The following VSTM2L variants were observed in gnomAD, a reference collection of about 807,000 sequenced individuals.
VSTM2L encodes V-set and transmembrane domain-containing protein 2-like protein.
A neutral mutation model predicts 19.9 loss-of-function variants in VSTM2L; 9 were observed. That is an observed-to-expected ratio of 0.45 (90% CI 0.27 to 0.79). The LOEUF (loss-of-function observed/expected upper bound fraction) is 0.79, where lower values mean the gene tolerates loss of function less well. Among genes scored for constraint, VSTM2L ranks in the 30% least tolerant of loss-of-function variants. The pLI, the probability that VSTM2L is intolerant of heterozygous loss-of-function variation, is 0.15. For missense variants in VSTM2L, 286 were observed against 295.5 expected, an observed-to-expected ratio of 0.97 and a Z score of 0.24; for synonymous variants, 127 against 133.8, an observed-to-expected ratio of 0.95 and a Z score of 0.35.
At chr20:37,913,894 G>A (rs912214370) in intron 1 of VSTM2L, among the ~76,000 whole-genome samples, 2 of 152,250 alleles carry the variant, frequency 1.3e-5, no homozygotes, top group Non-Finnish European at 2.9e-5. Flanking sequence ...TGGGGAGGGC[G>A]CACGGCCAGG....
chr20:37,944,539 G>A lies in VSTM2L; in HGVS notation c.*286G>A. On this transcript the variant is annotated 3_prime_UTR_variant, in exon 4 of 4. Transcript: ENST00000373461. Reference sequence around the variant, plus strand: ...GGCAGGGACCATGCTGGGGCCCGGGGCCACCCCCTTCCTGTCACCAGCTTC... The same window carrying A: ...GGCAGGGACCATGCTGGGGCCCGGGACCACCCCCTTCCTGTCACCAGCTTC... 1 of 1,191,540 alleles carries A rather than the reference G, an allele frequency of 8.4e-7. No homozygotes were observed. The highest frequency in any genetic ancestry group is 1.0e-6 in the Non-Finnish European group (1 of 962,530). The allele number at this position is 1,191,540 out of a possible 1,614,324, so 73.8% of individuals were successfully genotyped here.
At chr20:37,919,443 C>T (rs778504798) in intron 1 of VSTM2L, among the ~76,000 whole-genome samples, 12 of 152,250 alleles carry the variant, frequency 7.9e-5, no homozygotes, top group Non-Finnish European at 1.8e-4. Context: ...CCAGGCTTCT[C>T]TGTTTCTGGA....
chr20:37,922,647 C>A (rs1302687950), intron 1 of VSTM2L, among the ~76,000 whole-genome samples: 1 of 152,186 alleles, frequency 6.6e-6, no homozygotes, highest in Non-Finnish European at 1.5e-5. Context: ...CTGGAGGAGG[C>A]AGCCTCCCAC....
intron 1 of VSTM2L, among the ~76,000 whole-genome samples, chr20:37,928,772 A>G (rs543804623): frequency 3.8e-4 from 58 of 152,194 alleles, no homozygotes; most frequent in Non-Finnish European, 6.6e-4. Flanking sequence ...AAATGTATTT[A>G]TTGAGCACCT....
chr20:37,909,925 A>G (rs6021809), intron 1 of VSTM2L, among the ~76,000 whole-genome samples: 41,652 of 152,090 alleles, frequency 0.27, 8,008 homozygotes, highest in African/African-American at 0.55. Flanking sequence ...GTGAGGTGGC[A>G]GTGGGGAGGC....
intron 1 of VSTM2L, among the ~76,000 whole-genome samples, chr20:37,914,392 G>GTGCGTA (rs2072801379): frequency 6.8e-6 from 1 of 147,140 alleles, no homozygotes; most frequent in Non-Finnish European, 1.5e-5. Flanking sequence ...ATGTGTGGGT[G>GTGCGTA]TGTGTATGTA....
intron 1 of VSTM2L, among the ~76,000 whole-genome samples, chr20:37,904,933 A>G (rs2072743322): frequency 6.6e-6 from 1 of 152,006 alleles, no homozygotes; most frequent in Admixed American, 6.5e-5. Context: ...CCCTCACCTC[A>G]TTTCTACCGA....
chr20:37,921,837 C>CTTTTTTT (rs1568837638), intron 1 of VSTM2L, among the ~76,000 whole-genome samples: 10 of 126,614 alleles, frequency 7.9e-5, no homozygotes, highest in African/African-American at 3.6e-4. Context: ...TCTTTCTTTT[C>CTTTTTTT]CTTTTTTTTT....
At chr20:37,910,918 TAAAAAAAAA>T (rs527960204) in intron 1 of VSTM2L, among the ~76,000 whole-genome samples, 1 of 135,226 alleles carries the variant, frequency 7.4e-6, no homozygotes, top group African/African-American at 2.7e-5. Flanking sequence ...CCCTGTCTCT[TAAAAAAAAA>T]AAAAAGAAAA....
Position 37,944,421 on chromosome 20 carries a change from CCCCA to C in VSTM2L, c.*176_*179del. ...CACCACCCCTTGCTCAGCATGTAAG[CCCCA>C]CCCACCCCTGCCCTTTCAGACCCCT... is the stretch of plus-strand genomic sequence containing the variant. On this transcript the variant is annotated 3_prime_UTR_variant, in exon 4 of 4. Transcript: ENST00000373461. The C allele has an allele frequency of 2.6e-6, 3 of 1,169,172 alleles. No individual in the cohort carries two copies. The highest frequency in any genetic ancestry group is 3.4e-6 in the Non-Finnish European group (3 of 894,644). 72.4% of individuals were successfully genotyped at this position (1,169,172 alleles called of 1,614,324 possible). A position where few individuals can be genotyped will look rare whatever the true frequency, so the allele number is the denominator to read the frequency against.
intron 1 of VSTM2L, among the ~76,000 whole-genome samples, chr20:37,914,470 G>T (rs868205237): frequency 2.8e-4 from 1 of 3,534 alleles, no homozygotes; most frequent in Non-Finnish European, 6.4e-4. Flanking sequence ...GTGTGTATGT[G>T]TGTATTTTGT....
At chr20:37,931,978 T>C (rs2072913091) in intron 2 of VSTM2L, among the ~76,000 whole-genome samples, 174 bp downstream of exon 2, 1 of 152,136 alleles carries the variant, frequency 6.6e-6, no homozygotes. Context: ...TAGGTGATCA[T>C]GGAGGCTTAT....
intron 3 of VSTM2L, among the ~76,000 whole-genome samples, chr20:37,943,503 G>A (rs35825541): frequency 0.19 from 28,842 of 149,670 alleles, 3,894 homozygotes; most frequent in African/African-American, 0.38. Context: ...CCTACACCAG[G>A]TCCACTTCCT....
At position 37,944,575 on chromosome 20, in the gene VSTM2L, A is replaced by C; in HGVS notation, c.*322A>C. The C allele has an allele frequency of 2.7e-6, 3 of 1,131,866 alleles. No individual in the cohort carries two copies. The highest frequency in any genetic ancestry group is 3.2e-6 in the Non-Finnish European group (3 of 924,586). 70.1% of individuals were successfully genotyped at this position (1,131,866 alleles called of 1,614,324 possible). A position where few individuals can be genotyped will look rare whatever the true frequency, so the allele number is the denominator to read the frequency against. ...CCTGTCACCAGCTTCTGTGGAGTCCAGTGTTTTGCTTTGCTTGCTTGTCCC... is the reference window on the plus strand; with the variant it reads ...CCTGTCACCAGCTTCTGTGGAGTCCCGTGTTTTGCTTTGCTTGCTTGTCCC... On this transcript the variant is annotated 3_prime_UTR_variant, in exon 4 of 4. Transcript: ENST00000373461.
chr20:37,914,433 GTGTGTA>G (rs1001974753), intron 1 of VSTM2L, among the ~76,000 whole-genome samples: 5 of 125,500 alleles, frequency 4.0e-5, no homozygotes, highest in Non-Finnish European at 9.0e-5. Flanking sequence ...TGTGTGTATT[GTGTGTA>G]TGTGTATGTG....
chr20:37,904,516 C>T (rs1055671139), intron 1 of VSTM2L, among the ~76,000 whole-genome samples: 1 of 152,200 alleles, frequency 6.6e-6, no homozygotes, highest in African/African-American at 2.4e-5. Context: ...GTGGGGGCTC[C>T]CCCTGACCCC....
intron 1 of VSTM2L, among the ~76,000 whole-genome samples, chr20:37,905,289 T>C (rs2072745582): frequency 6.6e-6 from 1 of 152,128 alleles, no homozygotes; most frequent in African/African-American, 2.4e-5. Context: ...GTATGAGGAA[T>C]GGGACTCTGA....
intron 1 of VSTM2L, among the ~76,000 whole-genome samples, chr20:37,920,931 T>C (rs1376778306): frequency 1.3e-5 from 2 of 152,214 alleles, no homozygotes; most frequent in African/African-American, 4.8e-5. Context: ...CATTCATTCA[T>C]TCATTCACTC....
In VSTM2L at chr20:37,943,918, C is replaced by A; in HGVS notation, c.343-63C>A. The A allele has an allele frequency of 5.7e-6, 5 of 871,874 alleles. 1 individual carries two copies. Among genetic ancestry groups the A allele is most frequent in the Non-Finnish European group, 6.0e-6 (4 of 663,632 alleles). 54.0% of individuals were successfully genotyped at this position (871,874 alleles called of 1,614,324 possible). A position where few individuals can be genotyped will look rare whatever the true frequency, so the allele number is the denominator to read the frequency against. On this transcript the variant is annotated intron_variant, in intron 3 of 3. Transcript: ENST00000373461. ...GCATGCGATCTTGGGACCCCCCCCCCCGACTCTTCTTCTCCCCCACTGTCA... is the reference window on the plus strand; with the variant it reads ...GCATGCGATCTTGGGACCCCCCCCCACGACTCTTCTTCTCCCCCACTGTCA...
Sources: gnomAD v4.1 joint callset for allele counts (sites outside exome capture counted in the v4.1 genomes callset) on GRCh38, gnomAD v4.1.1 for gene constraint, MANE v1.5 for transcripts, NCBI Gene and HGNC (gene_info 2026-07-23, HGNC 2026-07-21) for gene names.